The following KATNIP variants were observed in gnomAD, a reference collection of about 807,000 sequenced individuals.
KATNIP encodes katanin interacting protein, also known as katanin-interacting protein.
A neutral mutation model predicts 174.0 loss-of-function variants in KATNIP; 126 were observed. That is an observed-to-expected ratio of 0.72 (90% CI 0.63 to 0.84). KATNIP has a LOEUF of 0.84. Among genes scored for constraint, KATNIP ranks in the 40% least tolerant of loss-of-function variants. The pLI is 0.00. For synonymous variants in KATNIP, 810 were observed against 835.7 expected, an observed-to-expected ratio of 0.97 and a Z score of 0.53; for missense variants, 1,958 against 2,109.7, an observed-to-expected ratio of 0.93 and a Z score of 1.41.
At chr16:27,611,716 T>G (rs2075898051) in intron 2 of KATNIP, among the ~76,000 whole-genome samples, 1 of 152,172 alleles carries the variant, frequency 6.6e-6, no homozygotes, top group Admixed American at 6.5e-5. Flanking sequence ...GGTATCCCCT[T>G]TTCGCAGACA....
At chr16:27,738,431 G>A (rs2080977915) in intron 14 of KATNIP, among the ~76,000 whole-genome samples, 1 of 152,214 alleles carries the variant, frequency 6.6e-6, no homozygotes, top group Non-Finnish European at 1.5e-5. Flanking sequence ...TGTATGGGGT[G>A]TGTATTCTAT....
intron 17 of KATNIP, 57 bp from the exon 18 acceptor site, chr16:27,754,116 T>C: frequency 7.1e-7 from 1 of 1,406,204 alleles, no homozygotes; most frequent in Non-Finnish European, 1.0e-6. Flanking sequence ...GCCAGCTAGC[T>C]GTGTGGGTAT....
intron 8 of KATNIP, 104 bp from the exon 9 acceptor site, chr16:27,698,224 G>A (rs2078981657): frequency 1.7e-6 from 2 of 1,199,046 alleles, no homozygotes; most frequent in South Asian, 1.6e-5. Context: ...GGAGAGTATG[G>A]GCCAGTTGTT....
At chr16:27,557,386 A>G (rs894625735) in intron 1 of KATNIP, among the ~76,000 whole-genome samples, 3 of 149,660 alleles carry the variant, frequency 2.0e-5, no homozygotes, top group African/African-American at 7.4e-5. Context: ...AGGTGATCCA[A>G]CCCTACCCCT....
intron 4 of KATNIP, among the ~76,000 whole-genome samples, chr16:27,630,493 C>T (rs2076452282): frequency 6.6e-6 from 1 of 152,224 alleles, no homozygotes; most frequent in Admixed American, 6.5e-5. Flanking sequence ...CAGTTGAACT[C>T]AGAGTGTAGC....
At chr16:27,639,360 C>G (rs917749639) in intron 5 of KATNIP, among the ~76,000 whole-genome samples, 1 of 152,218 alleles carries the variant, frequency 6.6e-6, no homozygotes, top group African/African-American at 2.4e-5. Flanking sequence ...CTTTTCCCCC[C>G]ACCACTTCTG....
chr16:27,778,568 T>C lies in KATNIP; in HGVS notation c.4802-6T>C, dbSNP rs2082588399. On this transcript the variant is annotated splice_polypyrimidine_tract_variant and splice_region_variant and intron_variant, in intron 27 of 27. Coordinates refer to ENST00000261588, the MANE Select transcript of KATNIP (RefSeq NM_015202.5). ...ACTCTGGTCCCTCTGTTCCCTGTCA[T>C]GACAGCCTTACGTCCCAAAACCTGC... 17 of 1,613,526 alleles carry C rather than the reference T, an allele frequency of 1.1e-5. No homozygotes were observed. The highest frequency in any genetic ancestry group is 1.4e-5 in the Non-Finnish European group (17 of 1,179,648).
chr16:27,757,000 A>G (rs1323908068), intron 18 of KATNIP, among the ~76,000 whole-genome samples: 3 of 152,160 alleles, frequency 2.0e-5, no homozygotes, highest in Admixed American at 6.5e-5. Flanking sequence ...CTGAATCCCA[A>G]TAGTTGCAAC....
chr16:27,778,020 A>C, intron 27 of KATNIP, 51 bp downstream of exon 27: 1 of 1,537,104 alleles, frequency 6.5e-7, no homozygotes, highest in Non-Finnish European at 9.0e-7. Flanking sequence ...GCTCGGTCTG[A>C]ATATAGAAGG....
chr16:27,699,901 T>A (rs2079039879), intron 10 of KATNIP, among the ~76,000 whole-genome samples: 1 of 152,068 alleles, frequency 6.6e-6, no homozygotes, highest in Admixed American at 6.5e-5. Context: ...TTTATTTATT[T>A]TTTTATTTTA....
intron 15 of KATNIP, among the ~76,000 whole-genome samples, chr16:27,741,548 G>A (rs2081109717): frequency 6.6e-6 from 1 of 152,102 alleles, no homozygotes; most frequent in African/African-American, 2.4e-5. Context: ...GCAATTTGGA[G>A]ACCATAAGCC....
intron 19 of KATNIP, among the ~76,000 whole-genome samples, chr16:27,766,093 T>C (rs1440452062): frequency 6.8e-6 from 1 of 146,620 alleles, no homozygotes; most frequent in East Asian, 2.0e-4. Context: ...CAGCATAGCC[T>C]TTTTTTTTTC....
At chr16:27,606,484 C>T (rs531390903) in intron 2 of KATNIP, among the ~76,000 whole-genome samples, 3,126 of 152,038 alleles carry the variant, frequency 0.021, 122 homozygotes, top group African/African-American at 0.072. Flanking sequence ...CTCATACACA[C>T]ACACACACAC....
At chr16:27,680,642 C>A (rs1473818958) in intron 7 of KATNIP, among the ~76,000 whole-genome samples, 2 of 152,182 alleles carry the variant, frequency 1.3e-5, no homozygotes, top group Non-Finnish European at 2.9e-5. Flanking sequence ...CCTGCCACAG[C>A]CTCCAGAGTA....
chr16:27,562,133 C>T lies in KATNIP; in HGVS notation c.8-11768C>T, dbSNP rs547535729. 6.4e-4 allele frequency among the ~76,000 whole-genome samples: 97 copies of T among 152,238 alleles called. 1 individual carries two copies. The highest frequency in any genetic ancestry group is 8.7e-4 in the Non-Finnish European group (59 of 68,004). On this transcript the variant is annotated intron_variant, in intron 1 of 27. Transcript: ENST00000261588. ...CCATCCTGGGCAATATGGCAGACCC[C>T]GGCTTTACCAAAAAATGTTATAAAT...
intron 8 of KATNIP, among the ~76,000 whole-genome samples, chr16:27,690,145 AT>A (rs2078664446): frequency 6.6e-6 from 1 of 151,828 alleles, no homozygotes; most frequent in African/African-American, 2.4e-5. Context: ...TCTACAAATA[AT>A]AATAATAATA....
intron 14 of KATNIP, among the ~76,000 whole-genome samples, chr16:27,723,805 TCCTCCCTC>T (rs534240320): frequency 6.6e-6 from 1 of 151,256 alleles, no homozygotes; most frequent in East Asian, 2.0e-4. Flanking sequence ...CTTCCTCCCT[TCCTCCCTC>T]CCTCCCTCCT....
chr16:27,614,673 A>C (rs1224153006), intron 2 of KATNIP, among the ~76,000 whole-genome samples: 1 of 152,074 alleles, frequency 6.6e-6, no homozygotes, highest in Non-Finnish European at 1.5e-5. Context: ...TACTTACTTC[A>C]TGATTGGCCA....
At position 27,740,149 on chromosome 16, in the gene KATNIP, C is replaced by G. The variant is rs1441878331; in HGVS notation, c.1852C>G (p.Leu618Val). Reference sequence around the variant, plus strand: ...GGAGGCCCCAGCTGACCACAGCATCCTGGTTGACCAGAAGAACGAGAAGAG... The same window carrying G: ...GGAGGCCCCAGCTGACCACAGCATCGTGGTTGACCAGAAGAACGAGAAGAG... Reference protein sequence around the residue: ...DREAPADHSILVDQKNEKSEQ... With the variant: ...DREAPADHSIVVDQKNEKSEQ... The change falls in exon 15 of 28, where the codon CTG (leucine) becomes GTG (valine). Residue 618 changes from leucine to valine, a missense_variant. By Grantham distance (32) the Leu-to-Val change is conservative (BLOSUM62 1). Coordinates refer to ENST00000261588, the MANE Select transcript of KATNIP (RefSeq NM_015202.5). 6.2e-7 allele frequency: 1 copy of G among 1,614,158 alleles called. No homozygotes were observed. Among genetic ancestry groups the G allele is most frequent in the Non-Finnish European group, 8.5e-7 (1 of 1,180,034 alleles).
Sources: gnomAD v4.1 joint callset for allele counts (sites outside exome capture counted in the v4.1 genomes callset) on GRCh38, gnomAD v4.1.1 for gene constraint, MANE v1.5 for transcripts, NCBI Gene and HGNC (gene_info 2026-07-23, HGNC 2026-07-21) for gene names.